The following EIF3D variants were observed in gnomAD, a reference collection of about 807,000 sequenced individuals.
The protein encoded by EIF3D is eIF3 p66.
In EIF3D, 10 loss-of-function variants were observed where a neutral mutation model predicts 75.4. That is an observed-to-expected ratio of 0.13 (90% confidence interval 0.08 to 0.22). EIF3D has a LOEUF of 0.22. EIF3D is among the 10% of genes least tolerant of loss of function. The pLI is 1.00. For synonymous variants in EIF3D, 246 were observed against 248.3 expected (o/e 0.99, Z 0.09); for missense variants, 394 against 708.0 (o/e 0.56, Z 5.03).
chr22:36,519,183 C>T (rs562221828), intron 8 of EIF3D, among the ~76,000 whole-genome samples: 10 of 152,170 alleles, frequency 6.6e-5, no homozygotes, highest in Non-Finnish European at 1.2e-4. Flanking sequence ...CCCCTTGTTG[C>T]AGATGAGAGA....
At chr22:36,523,393 T>C (rs551258598) in intron 5 of EIF3D, 112 bp from the exon 6 acceptor site, 3 of 825,820 alleles carry the variant, frequency 3.6e-6, no homozygotes, top group Non-Finnish European at 5.9e-6. Context: ...CTAACTCCTT[T>C]AAACTACGAA....
At position 36,511,017 on chromosome 22, in the gene EIF3D, A is replaced by G; in HGVS notation, c.1634-17T>C. 6.2e-7 allele frequency: 1 copy of G among 1,607,502 alleles called. No homozygotes were observed. The highest frequency in any genetic ancestry group is 1.1e-5 in the South Asian group (1 of 90,268). On this transcript the variant is annotated splice_polypyrimidine_tract_variant and intron_variant, in intron 14 of 14. Transcript: ENST00000216190. The stretch of plus-strand genomic sequence containing the variant: ...TTTCTTCCTCTGAAAGACACAAAAA[A>G]TGTAAGAGAAATGAGCCAGGTTGTG...
At chr22:36,511,225 C>T in intron 14 of EIF3D, 1 of 801,426 alleles carries the variant, frequency 1.2e-6, no homozygotes. Flanking sequence ...GAGCTTTTCC[C>T]TCTAGACCAC....
intron 3 of EIF3D, among the ~76,000 whole-genome samples, chr22:36,525,239 C>CTTTTTT (rs10709824): frequency 4.3e-5 from 4 of 93,942 alleles, no homozygotes; most frequent in African/African-American, 7.1e-5. Context: ...AGGGGTTTTA[C>CTTTTTT]TTTTTTTTTT....
At chr22:36,527,573 G>C (rs889147366) in intron 1 of EIF3D, among the ~76,000 whole-genome samples, 2 of 152,234 alleles carry the variant, frequency 1.3e-5, no homozygotes, top group Admixed American at 1.3e-4. Context: ...GGGCGCGGTG[G>C]CTCACGCCTG....
chr22:36,513,361 G>A (rs1934372456), intron 12 of EIF3D, among the ~76,000 whole-genome samples: 1 of 151,512 alleles, frequency 6.6e-6, no homozygotes, highest in Non-Finnish European at 1.5e-5. Context: ...GGAGTGCAGT[G>A]GCACGATCTT....
chr22:36,515,898 G>T (rs1461109055), intron 12 of EIF3D, among the ~76,000 whole-genome samples: 1 of 151,596 alleles, frequency 6.6e-6, no homozygotes, highest in African/African-American at 2.4e-5. Flanking sequence ...TGTGGGCGGG[G>T]GGGCGGATTG....
intron 3 of EIF3D, 46 bp downstream of exon 3, chr22:36,525,618 C>G (rs1934586490): frequency 1.2e-6 from 2 of 1,600,598 alleles, no homozygotes. Flanking sequence ...TAAAGAACAA[C>G]TTTCCCAAGG....
In EIF3D at chr22:36,510,982, C is replaced by T. The variant is rs753355594; in HGVS notation, c.*5G>A. 2 of 1,608,064 alleles carry T rather than the reference C, an allele frequency of 1.2e-6. No individual in the cohort carries two copies. Among genetic ancestry groups the T allele is most frequent in the African/African-American group, 1.3e-5 (1 of 74,512 alleles). On this transcript the variant is annotated 3_prime_UTR_variant, in exon 15 of 15. Transcript: ENST00000216190. ...AAGGACAAACTCCAGCTCCACATCA[C>T]TGGTTTAAGTTTCTTCCTCTGAAAG...
chr22:36,519,650 ATC>A (rs766192202), intron 7 of EIF3D, 113 bp from the exon 8 acceptor site: 16 of 1,448,398 alleles, frequency 1.1e-5, no homozygotes, highest in Admixed American at 2.0e-5. Context: ...GTGGAAAGCA[ATC>A]TCTGGCCAGA....
chr22:36,519,423 G>A lies in EIF3D; in HGVS notation c.693C>T (p.Asp231=), dbSNP rs751334606. The A allele has an allele frequency of 2.0e-5, 33 of 1,614,078 alleles. No homozygotes were observed. In the Admixed American group the frequency reaches 3.7e-4, roughly 18 times the overall value. ...KRIFHTVTTT[D]DPVIRKLAKT... ...CGCACACCTTGCGGATGACAGGGTC[G>A]TCTGTGGTGGTGACAGTGTGGAAGA... Residue 231 remains aspartate (D), a synonymous_variant, in exon 8 of 15, where the codon GAC becomes GAT. Coordinates refer to ENST00000216190, the MANE Select transcript of EIF3D (RefSeq NM_003753.4).
chr22:36,525,890 C>G, intron 2 of EIF3D, 109 bp downstream of exon 2: 2 of 1,502,570 alleles, frequency 1.3e-6, no homozygotes, highest in East Asian at 4.6e-5. Context: ...AGCTGGCATC[C>G]CTATAAGAAA....
intron 6 of EIF3D, among the ~76,000 whole-genome samples, chr22:36,520,941 G>A (rs1934503072): frequency 6.6e-6 from 1 of 151,636 alleles, no homozygotes; most frequent in Admixed American, 6.6e-5. Flanking sequence ...TAAAACGGAG[G>A]GGCTCAGTGG....
At chr22:36,512,397 A>G in intron 13 of EIF3D, 63 bp downstream of exon 13, 2 of 1,586,954 alleles carry the variant, frequency 1.3e-6, no homozygotes, top group South Asian at 1.1e-5. Flanking sequence ...GGGAGGGTCA[A>G]CCTCCCTACC....
At chr22:36,522,264 G>T (rs1443257082) in intron 6 of EIF3D, among the ~76,000 whole-genome samples, 1 of 152,166 alleles carries the variant, frequency 6.6e-6, no homozygotes, top group Non-Finnish European at 1.5e-5. Flanking sequence ...TGAGGTAGGA[G>T]GATCACTTGA....
intron 5 of EIF3D, among the ~76,000 whole-genome samples, chr22:36,523,560 C>T (rs1413945088): frequency 6.6e-6 from 1 of 152,174 alleles, no homozygotes; most frequent in Non-Finnish European, 1.5e-5. Context: ...CTGGACCACA[C>T]AACACCAGGA....
At chr22:36,517,466 CAA>C (rs748603271) in intron 9 of EIF3D, 35 bp from the exon 10 acceptor site, 5 of 1,588,434 alleles carry the variant, frequency 3.1e-6, no homozygotes, top group South Asian at 1.1e-5. Context: ...CACCATGCAA[CAA>C]AGAGTCACTG....
Position 36,511,495 on chromosome 22 carries a change from C to T in EIF3D, c.1633+8G>A. 2 of 1,613,732 alleles carry T rather than the reference C, an allele frequency of 1.2e-6. No homozygotes were observed. Among genetic ancestry groups the T allele is most frequent in the Non-Finnish European group, 1.7e-6 (2 of 1,179,976 alleles). On this transcript the variant is annotated splice_region_variant and intron_variant, in intron 14 of 14. Transcript: ENST00000216190. ...ACTCTAGACCTCAGAAAGTGGGCTG[C>T]TACACACCTTCTTCTTCCTCTTCTT...
At chr22:36,522,526 C>G (rs1934530399) in intron 6 of EIF3D, among the ~76,000 whole-genome samples, 1 of 152,130 alleles carries the variant, frequency 6.6e-6, no homozygotes, top group Non-Finnish European at 1.5e-5. Flanking sequence ...ATGGATGACT[C>G]TTGAAAACAC....
Sources: gnomAD v4.1 joint callset for allele counts (sites outside exome capture counted in the v4.1 genomes callset) on GRCh38, gnomAD v4.1.1 for gene constraint, MANE v1.5 for transcripts, NCBI Gene and HGNC (gene_info 2026-07-23, HGNC 2026-07-21) for gene names.